Variants in CFAP61 observed in about 807,000 individuals in gnomAD.
The protein encoded by CFAP61 is cilia and flagella associated protein 61, also known as cilia- and flagella-associated protein 61.
CFAP61 carries 107 observed loss-of-function variants against 135.6 expected under a neutral mutation model. That is an observed-to-expected ratio of 0.79 (90% CI 0.67 to 0.93). CFAP61 has a LOEUF of 0.93. CFAP61 is among the 40% of genes least tolerant of loss of function. CFAP61 has a pLI of 0.00. For missense variants in CFAP61, 1,507 were observed against 1,556.2 expected (o/e 0.97, Z 0.53); for synonymous variants, 575 against 578.5 (o/e 0.99, Z 0.09).
chr20:20,283,019 T>C (rs1396987945), intron 22 of CFAP61, among the ~76,000 whole-genome samples: 1 of 152,192 alleles, frequency 6.6e-6, no homozygotes, highest in Non-Finnish European at 1.5e-5. Context: ...AAGGAATATG[T>C]ATTACGTATT....
Position 20,159,366 on chromosome 20 carries a change from C to T in CFAP61, c.952-4C>T, listed in dbSNP as rs768820705. 2 of 1,613,664 alleles carry T rather than the reference C, an allele frequency of 1.2e-6. No individual in the cohort carries two copies. The highest frequency in any genetic ancestry group is 1.7e-6 in the Non-Finnish European group (2 of 1,179,610). On this transcript the variant is annotated splice_polypyrimidine_tract_variant and splice_region_variant and intron_variant, in intron 9 of 26. Transcript: ENST00000245957. The stretch of plus-strand genomic sequence containing the variant: ...TTTTCATGTTTTGCTGTCATCATTT[C>T]CAGGGAAATATTGCCAGAGAAGCTG...
At chr20:20,247,630 G>A (rs1601604424) in intron 19 of CFAP61, among the ~76,000 whole-genome samples, 1 of 152,222 alleles carries the variant, frequency 6.6e-6, no homozygotes, top group South Asian at 2.1e-4. Context: ...ACATTGGATA[G>A]AACAGATAAG....
rs886327754 is a variant in CFAP61 at position 20,354,768 on chromosome 20, T to A, written c.3514-5442T>A. Among the ~76,000 whole-genome samples the A allele has an allele frequency of 3.7e-5, 5 of 134,834 alleles. No homozygotes were observed. In the Admixed American group the frequency reaches 3.7e-4, roughly 10 times the overall value. 88.5% of individuals were successfully genotyped at this position (134,834 alleles called of 152,430 possible). The stretch of plus-strand genomic sequence containing the variant: ...AAGTAATCATACTGTGAAAGGGAGG[T>A]GGTCACGCTGAGAGGGGAGGTGGTC... On this transcript the variant is annotated intron_variant, in intron 26 of 26. Transcript: ENST00000245957.
intron 8 of CFAP61, among the ~76,000 whole-genome samples, chr20:20,133,076 T>A (rs1458130795): frequency 2.6e-5 from 4 of 152,204 alleles, no homozygotes; most frequent in Admixed American, 2.0e-4. Flanking sequence ...TATTTATTGG[T>A]GTTTTATTCT....
At chr20:20,296,892 A>G (rs560830558) in intron 24 of CFAP61, among the ~76,000 whole-genome samples, 2 of 152,294 alleles carry the variant, frequency 1.3e-5, no homozygotes, top group East Asian at 3.9e-4. Flanking sequence ...TTTTTTGGAT[A>G]ACATCTTAAT....
intron 24 of CFAP61, among the ~76,000 whole-genome samples, chr20:20,294,877 G>A (rs1244441439): frequency 1.3e-5 from 2 of 150,738 alleles, no homozygotes; most frequent in Non-Finnish European, 1.5e-5. Context: ...GCAGTGAGCC[G>A]AGATTGCGCC....
intron 25 of CFAP61, among the ~76,000 whole-genome samples, chr20:20,327,155 G>T (rs2057780586): frequency 6.6e-6 from 1 of 152,052 alleles, no homozygotes; most frequent in Non-Finnish European, 1.5e-5. Flanking sequence ...TATTTTATTA[G>T]ATTATCTTGG....
At chr20:20,202,521 TA>T (rs1289517068) in intron 17 of CFAP61, among the ~76,000 whole-genome samples, 1 of 152,204 alleles carries the variant, frequency 6.6e-6, no homozygotes, top group Non-Finnish European at 1.5e-5. Flanking sequence ...AATGCTAAAT[TA>T]TATTATTAAA....
intron 1 of CFAP61, among the ~76,000 whole-genome samples, chr20:20,054,021 T>TTGTTTCTG (rs776918983): frequency 2.0e-5 from 3 of 146,682 alleles, no homozygotes; most frequent in Non-Finnish European, 4.5e-5. Flanking sequence ...TTGTTTTTTT[T>TTGTTTCTG]TTTTTTTTTT....
At chr20:20,093,617 T>TAG (rs2047364123) in intron 7 of CFAP61, among the ~76,000 whole-genome samples, 1 of 151,858 alleles carries the variant, frequency 6.6e-6, no homozygotes, top group Middle Eastern at 3.4e-3. Context: ...GTATTTTTAG[T>TAG]AGAGATGGGG....
chr20:20,072,533 G>A (rs1368666180), intron 3 of CFAP61, among the ~76,000 whole-genome samples: 3 of 152,078 alleles, frequency 2.0e-5, no homozygotes, highest in African/African-American at 7.2e-5. Flanking sequence ...ATTTGTTGAA[G>A]TTGAATAAAC....
chr20:20,169,520 A>G (rs1383248299), intron 13 of CFAP61, 60 bp downstream of exon 13: 1 of 1,374,002 alleles, frequency 7.3e-7, no homozygotes, highest in African/African-American at 1.5e-5. Context: ...AGAAGGGAAC[A>G]AGGAACTCCC....
At chr20:20,284,289 ATTT>A (rs1569240579) in intron 22 of CFAP61, among the ~76,000 whole-genome samples, 1 of 52,392 alleles carries the variant, frequency 1.9e-5, no homozygotes, top group Non-Finnish European at 4.1e-5. Context: ...ATTTTATTTT[ATTT>A]TATTTTATTT....
At chr20:20,334,801 G>A (rs755065445) in intron 25 of CFAP61, among the ~76,000 whole-genome samples, 2 of 152,058 alleles carry the variant, frequency 1.3e-5, no homozygotes, top group Non-Finnish European at 2.9e-5. Flanking sequence ...GACTAGATAC[G>A]GATTCTTGCA....
At chr20:20,324,186 C>A (rs2057660876) in intron 25 of CFAP61, among the ~76,000 whole-genome samples, 1 of 152,054 alleles carries the variant, frequency 6.6e-6, no homozygotes, top group South Asian at 2.1e-4. Context: ...TTGAGACGTG[C>A]CCTCTTCCTT....
rs1428594976 is a variant in CFAP61, at chr20:20,269,164, CATACATATATGTATAT to C, written c.2503+6036_2503+6051del. 4.1e-3 allele frequency among the ~76,000 whole-genome samples: 462 copies of C among 112,376 alleles called. 6 individuals are homozygous for C. Among genetic ancestry groups the C allele is most frequent in the Non-Finnish European group, 6.0e-3 (316 of 53,100 alleles). 73.7% of individuals were successfully genotyped at this position (112,376 alleles called of 152,430 possible). A position where few individuals can be genotyped will look rare whatever the true frequency, so the allele number is the denominator to read the frequency against. Reference sequence around the variant, plus strand: ...ATATATATACACACACACACACACACATACATATATGTATATACACACACATATATACATATATGTA... The same window carrying C: ...ATATATATACACACACACACACACACACACACACATATATACATATATGTA... On this transcript the variant is annotated intron_variant, in intron 21 of 26. Coordinates refer to ENST00000245957, the MANE Select transcript of CFAP61 (RefSeq NM_015585.4).
intron 3 of CFAP61, among the ~76,000 whole-genome samples, chr20:20,072,556 T>C (rs1183352481): frequency 6.6e-6 from 1 of 152,204 alleles, no homozygotes; most frequent in Non-Finnish European, 1.5e-5. Context: ...CTGATAGATG[T>C]TTATTTTATA....
chr20:20,333,966 G>A (rs778050286), intron 25 of CFAP61, among the ~76,000 whole-genome samples: 2 of 152,106 alleles, frequency 1.3e-5, no homozygotes, highest in Admixed American at 6.5e-5. Flanking sequence ...TGGGTGTTCA[G>A]CTCACAGACA....
chr20:20,105,079 C>T (rs939426303), intron 8 of CFAP61, among the ~76,000 whole-genome samples: 9 of 152,118 alleles, frequency 5.9e-5, no homozygotes, highest in Admixed American at 2.0e-4. Context: ...CTGCCTTCCT[C>T]TGGTCCCTAA....
Sources: gnomAD v4.1 joint callset for allele counts (sites outside exome capture counted in the v4.1 genomes callset) on GRCh38, gnomAD v4.1.1 for gene constraint, MANE v1.5 for transcripts, NCBI Gene and HGNC (gene_info 2026-07-23, HGNC 2026-07-21) for gene names.